NOTCH1: variants seen among roughly 807,000 people sequenced by gnomAD.
NOTCH1 encodes the protein notch receptor 1.
Under a neutral mutation model 254.8 loss-of-function variants are expected in NOTCH1, and 37 were observed. The observed-to-expected ratio is 0.15, with a 90% CI of 0.11 to 0.19. The LOEUF is 0.19. NOTCH1 is among the 10% of genes least tolerant of loss of function. NOTCH1 has a pLI of 1.00. For synonymous variants in NOTCH1, 1,731 were observed against 1,618.1 expected (o/e 1.07, Z -1.68); for missense variants, 2,972 against 3,708.6 (o/e 0.80, Z 5.16).
At chr9:136,529,557 G>A (rs1000052002) in intron 2 of NOTCH1, among the ~76,000 whole-genome samples, 1 of 152,208 alleles carries the variant, frequency 6.6e-6, no homozygotes, top group South Asian at 2.1e-4. Context: ...GGAAGATGCT[G>A]GAACCTCGTT....
intron 13 of NOTCH1, 137 bp downstream of exon 13, chr9:136,514,373 G>C: frequency 1.1e-6 from 1 of 913,584 alleles, no homozygotes; most frequent in Non-Finnish European, 1.7e-6. Context: ...CGTCCCCGAG[G>C]GGAGCTCCCT....
At chr9:136,533,796 A>G (rs1307419889) in intron 2 of NOTCH1, among the ~76,000 whole-genome samples, 5 of 152,256 alleles carry the variant, frequency 3.3e-5, no homozygotes, top group African/African-American at 9.6e-5. Flanking sequence ...CTACTAGGGC[A>G]TCTGTCTGCA....
intron 28 of NOTCH1, 89 bp downstream of exon 28, chr9:136,502,183 G>C: frequency 6.4e-7 from 1 of 1,572,802 alleles, no homozygotes; most frequent in South Asian, 1.1e-5. Context: ...GGTGGGCCCT[G>C]GGTCGGGAGG....
chr9:136,502,710 C>T (rs1843018170), intron 27 of NOTCH1: 4 of 576,220 alleles, frequency 6.9e-6, no homozygotes, highest in Non-Finnish European at 1.2e-5. Flanking sequence ...CTGGAGACGG[C>T]TTTTACTTTT....
chr9:136,505,906 G>C (rs759679763), intron 24 of NOTCH1, 25 bp from the exon 25 acceptor site: 1 of 1,561,874 alleles, frequency 6.4e-7, no homozygotes, highest in South Asian at 1.2e-5. Context: ...AGACAGGACG[G>C]TGTCGGGGTG....
At chr9:136,522,674 G>T in intron 4 of NOTCH1, 176 bp downstream of exon 4, 1 of 633,438 alleles carries the variant, frequency 1.6e-6, no homozygotes, top group Non-Finnish European at 2.7e-6. Flanking sequence ...CGCACACCCC[G>T]CTCCAGACGC....
chr9:136,503,125 C>CG (rs1198939293), intron 27 of NOTCH1, 57 bp downstream of exon 27: 8 of 1,609,468 alleles, frequency 5.0e-6, no homozygotes, highest in Admixed American at 3.3e-5. Context: ...GTCTGGGGCA[C>CG]GGGGGGATGG....
At position 136,524,470 on chromosome 9, in the gene NOTCH1, C is replaced by T. The variant is rs1006006169; in HGVS notation, c.141-491G>A. Among the ~76,000 whole-genome samples, 9 of 152,128 alleles carry T rather than the reference C, an allele frequency of 5.9e-5. 1 individual carries two copies. Among genetic ancestry groups the T allele is most frequent in the Admixed American group, 5.9e-4 (9 of 15,270 alleles). On this transcript the variant is annotated intron_variant, in intron 2 of 33. Transcript: ENST00000651671. The stretch of plus-strand genomic sequence containing the variant: ...GGGTGCATTAGCTCCGTAGAGCCTC[C>T]GGGTCTGCAGGCCTATCTGCTTTTC...
chr9:136,511,145 G>GC lies in NOTCH1; in HGVS notation c.2587+6dup. On this transcript the variant is annotated splice_region_variant and intron_variant, in intron 16 of 33. Coordinates refer to ENST00000651671, the MANE Select transcript of NOTCH1 (RefSeq NM_017617.5). ...CCCAGCCCTCACCGGGCCCTGGCCA[G>GC]CCTCACCTTGCCAGCCCGTGGGGCA... 6.2e-7 allele frequency: 1 copy of GC among 1,612,924 alleles called. No homozygotes were observed. The highest frequency in any genetic ancestry group is 8.5e-7 in the Non-Finnish European group (1 of 1,179,980).
rs761427888 is a variant in NOTCH1 at position 136,500,812 on chromosome 9, C to G, written c.5674G>C (p.Gly1892Arg). The change falls in exon 31 of 34, where the codon GGG becomes CGG. Residue 1892 changes from glycine to arginine, a missense_variant. By Grantham distance (125) the Gly-to-Arg change is moderately radical. Transcript: ENST00000651671. ...FTPLMIASCS[G>R]GGLETGNSEE... ...CTGTTGCCCGTCTCCAGGCCGCCCC[C>G]GCTGCAGGAGGCGATCATGAGCGGG... 6.3e-7 allele frequency: 1 copy of G among 1,598,952 alleles called. No individual in the cohort carries two copies. The highest frequency in any genetic ancestry group is 8.5e-7 in the Non-Finnish European group (1 of 1,179,514).
rs767527946 is a variant in NOTCH1, at chr9:136,517,837, G to A, written c.1356C>T (p.Asp452=). 24 of 1,612,592 alleles carry A rather than the reference G, an allele frequency of 1.5e-5. No individual in the cohort carries two copies. Among genetic ancestry groups the A allele is most frequent in the Admixed American group, 3.3e-5 (2 of 59,998 alleles). ...ACGGGTTCGAGACGCACTCGTTGAC[G>A]TCGATCTCGCATCGGGGGCCCGTGT... is the stretch of plus-strand genomic sequence containing the variant. ...QGYTGPRCEI[D]VNECVSNPCQ... Residue 452 remains aspartate (D), a synonymous_variant, in exon 8 of 34, where the codon GAC becomes GAT. Transcript: ENST00000651671.
In NOTCH1 at chr9:136,518,830, G is replaced by T. The variant is rs1278229913; in HGVS notation, c.866-6C>A. 1 of 1,612,168 alleles carries T rather than the reference G, an allele frequency of 6.2e-7. No homozygotes were observed. The highest frequency in any genetic ancestry group is 1.3e-5 in the African/African-American group (1 of 75,020). On this transcript the variant is annotated splice_region_variant and splice_polypyrimidine_tract_variant and intron_variant, in intron 5 of 33. Coordinates refer to ENST00000651671, the MANE Select transcript of NOTCH1 (RefSeq NM_017617.5). ...ATCCTCGGTACAGTACTGACCTGCA[G>T]GGAACAGGAGCTGTCGGCCCCGGGC... is the stretch of plus-strand genomic sequence containing the variant.
rs1273334867 is a variant in NOTCH1 at position 136,514,682 on chromosome 9, T to A, written c.2035A>T (p.Ile679Phe). The stretch of plus-strand genomic sequence containing the variant: ...CAGGGGTTGCCCGCACACTCATCGA[T>A]GTTGATGTTACACATGCTCCCTAAG... ...GYTGSMCNINIDECAGNPCHN... is the reference protein window; with the variant it reads ...GYTGSMCNINFDECAGNPCHN... Residue 679 changes from isoleucine to phenylalanine, a missense_variant, in exon 13 of 34, where the codon ATC (isoleucine) becomes TTC (phenylalanine). Around this residue, in one of 8 missense-constraint regions of NOTCH1, gnomAD observed 1,343 missense variants for 1,557.0 expected, o/e 0.86. Coordinates refer to ENST00000651671, the MANE Select transcript of NOTCH1 (RefSeq NM_017617.5). The A allele has an allele frequency of 6.2e-7, 1 of 1,612,502 alleles. No individual in the cohort carries two copies. Among genetic ancestry groups the A allele is most frequent in the African/African-American group, 1.3e-5 (1 of 75,000 alleles).
intron 2 of NOTCH1, among the ~76,000 whole-genome samples, chr9:136,537,398 C>A (rs894544264): frequency 6.6e-6 from 1 of 152,160 alleles, no homozygotes; most frequent in East Asian, 1.9e-4. Flanking sequence ...TCATAGGCAA[C>A]GTCCAGAAGA....
Position 136,518,305 on chromosome 9 carries a change from C to T in NOTCH1, c.1100-13G>A, listed in dbSNP as rs762047198. The T allele has an allele frequency of 1.2e-5, 19 of 1,606,680 alleles. No homozygotes were observed. Among genetic ancestry groups the T allele is most frequent in the Non-Finnish European group, 1.4e-5 (17 of 1,178,098 alleles). On this transcript the variant is annotated splice_polypyrimidine_tract_variant and intron_variant, in intron 6 of 33. Coordinates refer to ENST00000651671, the MANE Select transcript of NOTCH1 (RefSeq NM_017617.5). ...TGGCACAGCAGACCTGGGCAGGCAG[C>T]GGCGGTCAGTGGGCACGGCCCCTGG...
At chr9:136,525,602 G>A (rs892836980) in intron 2 of NOTCH1, among the ~76,000 whole-genome samples, 50 of 152,176 alleles carry the variant, frequency 3.3e-4, no homozygotes, top group South Asian at 6.2e-4. Flanking sequence ...GGGCTGCGGC[G>A]GCCGCCTGCC....
At chr9:136,510,442 G>A (rs944689317) in intron 17 of NOTCH1, 58 of 637,876 alleles carry the variant, frequency 9.1e-5, no homozygotes, top group Middle Eastern at 4.2e-4. Context: ...TGACTCTTCC[G>A]CGAAGTGCAG....
rs780446645 is a variant in NOTCH1 at position 136,505,702 on chromosome 9, G to A, written c.4194C>T (p.Tyr1398=). ...SSPCLGGNPC[Y]NQGTCEPTSE... ...ATGTGGGCTCACAGGTCCCCTGGTT[G>A]TAGCAGGGGTTGCCGCCCAGGCAGG... The change falls in exon 25 of 34, where the codon TAC becomes TAT. Residue 1398 remains tyrosine (Y), a synonymous_variant. Transcript: ENST00000651671. 1.2e-6 allele frequency: 2 copies of A among 1,604,584 alleles called. No homozygotes were observed. The highest frequency in any genetic ancestry group is 2.2e-5 in the East Asian group (1 of 44,654).
rs587782970 is a variant in NOTCH1 at position 136,514,696 on chromosome 9, A to G, written c.2021T>C (p.Met674Thr). 2 of 1,612,142 alleles carry G rather than the reference A, an allele frequency of 1.2e-6. No homozygotes were observed. ...CACEPGYTGS[M>T]CNINIDECAG... The stretch of plus-strand genomic sequence containing the variant: ...ACACTCATCGATGTTGATGTTACAC[A>G]TGCTCCCTAAGGGCAGGGCGGGTCA... The change falls in exon 13 of 34, where the codon ATG becomes ACG. Residue 674 changes from methionine to threonine, a missense_variant. Coordinates refer to ENST00000651671, the MANE Select transcript of NOTCH1 (RefSeq NM_017617.5).
Sources: allele counts gnomAD v4.1 joint callset (sites outside exome capture counted in the v4.1 genomes callset), GRCh38; gene constraint gnomAD v4.1.1; regional missense constraint gnomAD v4.1.1; transcripts MANE v1.5; gene names NCBI Gene and HGNC (gene_info 2026-07-23, HGNC 2026-07-21).